The following TARBP1 variants were observed in gnomAD, a reference collection of about 807,000 sequenced individuals.
TARBP1 encodes tRNA (guanosine(18)-2'-O)-methyltransferase TARBP1.
Under a neutral mutation model 178.6 loss-of-function variants are expected in TARBP1, and 144 were observed. That is an observed-to-expected ratio of 0.81 (90% CI 0.70 to 0.93). The LOEUF is 0.93. Ranked by LOEUF, TARBP1 falls within the 40% of genes least tolerant of loss-of-function variation. The pLI is 0.00. For synonymous variants in TARBP1, 787 were observed against 781.0 expected (o/e 1.01, Z -0.13); for missense variants, 2,067 against 2,011.7 (o/e 1.03, Z -0.53).
intron 12 of TARBP1, among the ~76,000 whole-genome samples, chr1:234,445,582 G>A (rs80023226): frequency 2.4e-3 from 366 of 152,250 alleles, no homozygotes; most frequent in African/African-American, 8.6e-3. Flanking sequence ...CATTAAATAT[G>A]TAAAGCCTTT....
rs1323153603 is a variant in TARBP1, at chr1:234,478,447, C to A, written c.657G>T (p.Ala219=). Residue 219 remains alanine, a synonymous_variant, in exon 1 of 30, where the codon GCG becomes GCT. Transcript: ENST00000040877. ...CCTCTACGCGGCCGGACCCCAGGGA[C>A]GCCCCAGGCGCGGCCAGCCCGCCCC... ...AVWGGLAAPG[A]SLGSGRVEEK... is the part of the protein sequence containing the mutation. The A allele has an allele frequency of 1.4e-5, 19 of 1,382,804 alleles. No individual in the cohort carries two copies. Among genetic ancestry groups the A allele is most frequent in the Non-Finnish European group, 1.7e-5 (18 of 1,064,334 alleles). The allele number at this position is 1,382,804 out of a possible 1,614,324, so 85.7% of individuals were successfully genotyped here. A position where few individuals can be genotyped will look rare whatever the true frequency, so the allele number is the denominator to read the frequency against.
rs1188820093 is a variant in TARBP1 at position 234,472,740 on chromosome 1, T to C, written c.1003A>G (p.Ile335Val). Residue 335 changes from isoleucine (I) to valine (V), a missense_variant, in exon 2 of 30, where the codon ATT becomes GTT. Ile to Val is a conservative substitution (Grantham distance 29). Coordinates refer to ENST00000040877, the MANE Select transcript of TARBP1 (RefSeq NM_005646.4). Reference sequence around the variant, plus strand: ...TGATTTCCTTCTAAAGTCTCCATAATTAAAATATAATTTTCCCAAAACTTT... The same window carrying C: ...TGATTTCCTTCTAAAGTCTCCATAACTAAAATATAATTTTCCCAAAACTTT... ...LLKFWENYIL[I>V]METLEGNQIH... 1.2e-6 allele frequency: 2 copies of C among 1,602,166 alleles called. No homozygotes were observed. Among genetic ancestry groups the C allele is most frequent in the Non-Finnish European group, 1.7e-6 (2 of 1,176,364 alleles).
Position 234,392,492 on chromosome 1 carries a change from T to A in TARBP1, c.4621A>T (p.Ile1541Phe). Residue 1541 changes from isoleucine to phenylalanine, a missense_variant, in exon 29 of 30, where the codon ATT becomes TTT. Physicochemically the swap from Ile to Phe is conservative, Grantham distance 21. Transcript: ENST00000040877. Reference protein sequence around the residue: ...QQKKTEGYTIIGVEQTAKSLD... With the variant: ...QQKKTEGYTIFGVEQTAKSLD... Reference sequence around the variant, plus strand: ...CTTTTGGCAGTTTGTTCCACTCCAATGATGGTATAACCTTCTGTTTTCTTC... The same window carrying A: ...CTTTTGGCAGTTTGTTCCACTCCAAAGATGGTATAACCTTCTGTTTTCTTC... 1 of 1,614,166 alleles carries A rather than the reference T, an allele frequency of 6.2e-7. No homozygotes were observed. The highest frequency in any genetic ancestry group is 8.5e-7 in the Non-Finnish European group (1 of 1,179,978).
intron 2 of TARBP1, among the ~76,000 whole-genome samples, chr1:234,471,692 G>A (rs1462272957): frequency 1.3e-5 from 2 of 152,170 alleles, no homozygotes; most frequent in Non-Finnish European, 2.9e-5. Flanking sequence ...TTGCTGACAC[G>A]TTTGCTTGAG....
chr1:234,429,548 TTCAC>T lies in TARBP1; in HGVS notation c.2735_2738del (p.Ser912LysfsTer14). 1.9e-6 allele frequency: 3 copies of T among 1,614,146 alleles called. No individual in the cohort carries two copies. Among genetic ancestry groups the T allele is most frequent in the Non-Finnish European group, 2.5e-6 (3 of 1,180,026 alleles). Reference sequence around the variant, plus strand: ...CGGCAGGTAGAAACGGTTCCAGAATTTCACTCCCTGTGGTTGGTATAAGGGTGTG... The same window carrying T: ...CGGCAGGTAGAAACGGTTCCAGAATTTCCCTGTGGTTGGTATAAGGGTGTG... On this transcript the variant is annotated frameshift_variant, in exon 16 of 30. Transcript: ENST00000040877. LOFTEE classifies it high-confidence loss of function.
intron 19 of TARBP1, among the ~76,000 whole-genome samples, chr1:234,426,378 C>T (rs1473339329): frequency 6.6e-6 from 1 of 152,070 alleles, no homozygotes; most frequent in African/African-American, 2.4e-5. Flanking sequence ...TTTAATTTAA[C>T]AACAAAGTAA....
intron 9 of TARBP1, among the ~76,000 whole-genome samples, chr1:234,457,454 G>C (rs1480839579): frequency 1.3e-5 from 2 of 152,138 alleles, no homozygotes; most frequent in Non-Finnish European, 1.5e-5. Flanking sequence ...AGGTCTATCT[G>C]TACTGCAAAC....
At chr1:234,410,566 A>G in intron 22 of TARBP1, 35 bp from the exon 23 acceptor site, 1 of 1,328,988 alleles carries the variant, frequency 7.5e-7, no homozygotes, top group Non-Finnish European at 1.1e-6. Context: ...ATATTGATTC[A>G]AAGCTTACTG....
intron 3 of TARBP1, among the ~76,000 whole-genome samples, chr1:234,469,060 C>CTTTT (rs765324709): frequency 9.5e-4 from 65 of 68,564 alleles, no homozygotes; most frequent in East Asian, 2.9e-3. Flanking sequence ...CGGTTTTTGC[C>CTTTT]TTTTTTTTTT....
intron 24 of TARBP1, among the ~76,000 whole-genome samples, chr1:234,402,089 A>G (rs1297562500): frequency 6.6e-6 from 1 of 152,144 alleles, no homozygotes; most frequent in African/African-American, 2.4e-5. Flanking sequence ...GGGCTTTTGT[A>G]TCTAGTCTTA....
chr1:234,434,892 TGA>T (rs1467074784), intron 13 of TARBP1, among the ~76,000 whole-genome samples: 1 of 151,980 alleles, frequency 6.6e-6, no homozygotes, highest in African/African-American at 2.4e-5. Flanking sequence ...AGGAGAAGCA[TGA>T]GAGAATGACA....
chr1:234,427,616 C>A lies in TARBP1; in HGVS notation c.3211G>T (p.Glu1071Ter). 6.3e-7 allele frequency: 1 copy of A among 1,599,276 alleles called. No individual in the cohort carries two copies. The highest frequency in any genetic ancestry group is 8.5e-7 in the Non-Finnish European group (1 of 1,176,306). Residue 1071 changes from glutamate (E) to a stop codon, truncating the protein, a stop_gained, in exon 18 of 30, where the codon GAG becomes TAG. Transcript: ENST00000040877. LOFTEE classifies it high-confidence loss of function. The stretch of plus-strand genomic sequence containing the variant: ...AACACAGTTCCAAATATACAAGCCT[C>A]AAGGATAAGTTCGCTATAATTTTTA... ...SAKNYSELILEACIFGTVFRR... is the reference protein window; with the variant it reads ...SAKNYSELIL
chr1:234,437,159 C>T (rs1275205787), intron 13 of TARBP1, 116 bp downstream of exon 13: 6 of 515,304 alleles, frequency 1.2e-5, no homozygotes, highest in Non-Finnish European at 1.9e-5. Flanking sequence ...TTCCTAAGAC[C>T]GCTTCTTGAG....
intron 13 of TARBP1, among the ~76,000 whole-genome samples, chr1:234,434,550 G>C (rs1183079692): frequency 6.6e-6 from 1 of 152,226 alleles, no homozygotes; most frequent in African/African-American, 2.4e-5. Flanking sequence ...GACATTCACT[G>C]CGACAGTAAC....
chr1:234,415,001 T>A (rs529561951), intron 22 of TARBP1, among the ~76,000 whole-genome samples: 3 of 149,230 alleles, frequency 2.0e-5, no homozygotes, highest in Admixed American at 2.0e-4. Context: ...TTAATAAAAT[T>A]AGTAAATTAA....
intron 9 of TARBP1, among the ~76,000 whole-genome samples, 197 bp from the exon 10 acceptor site, chr1:234,450,763 TATGC>T (rs1666668049): frequency 7.0e-6 from 1 of 143,428 alleles, no homozygotes; most frequent in Non-Finnish European, 1.5e-5. Context: ...TATATTTATG[TATGC>T]GTATATGTAT....
intron 20 of TARBP1, among the ~76,000 whole-genome samples, chr1:234,421,478 C>T (rs2103099243): frequency 6.6e-6 from 1 of 151,936 alleles, no homozygotes; most frequent in South Asian, 2.1e-4. Flanking sequence ...CATATATTGC[C>T]ACATACTACC....
chr1:234,422,888 C>T (rs1231850206), intron 20 of TARBP1, among the ~76,000 whole-genome samples: 1 of 152,144 alleles, frequency 6.6e-6, no homozygotes, highest in African/African-American at 2.4e-5. Flanking sequence ...AAAAATTAAA[C>T]ATTTAAAAAT....
At position 234,429,627 on chromosome 1, in the gene TARBP1, T is replaced by C; in HGVS notation, c.2660A>G (p.Gln887Arg). 5 of 1,611,136 alleles carry C rather than the reference T, an allele frequency of 3.1e-6. No homozygotes were observed. Among genetic ancestry groups the C allele is most frequent in the Non-Finnish European group, 4.2e-6 (5 of 1,178,974 alleles). ...GCACACCCATTGATCATGAATATAT[T>C]GTGCAACTATTTTTCCCCATCCTTG... Reference protein sequence around the residue: ...SSQGWGKIVAQYIHDQWVCLS... With the variant: ...SSQGWGKIVARYIHDQWVCLS... Residue 887 changes from glutamine to arginine, a missense_variant, in exon 16 of 30, where the codon CAA becomes CGA. Physicochemically the swap from Gln to Arg is conservative, Grantham distance 43 (BLOSUM62 1). Transcript: ENST00000040877.
Sources: allele counts gnomAD v4.1 joint callset (sites outside exome capture counted in the v4.1 genomes callset), GRCh38; gene constraint gnomAD v4.1.1; transcripts MANE v1.5; gene names NCBI Gene and HGNC (gene_info 2026-07-23, HGNC 2026-07-21).